The following MOB3B variants were observed in gnomAD, a reference collection of about 807,000 sequenced individuals.
MOB3B encodes MOB kinase activator 3B.
MOB3B carries 7 observed loss-of-function variants against 18.7 expected under a neutral mutation model. The observed-to-expected ratio is 0.37, with a 90% confidence interval of 0.21 to 0.70. The LOEUF is 0.70. Ranked by LOEUF, MOB3B falls within the 30% of genes least tolerant of loss-of-function variation. The pLI is 0.52. For synonymous variants in MOB3B, 111 were observed against 99.9 expected (o/e 1.11, Z -0.66); for missense variants, 253 against 281.3 (o/e 0.90, Z 0.72).
chr9:27,498,851 T>C (rs1049571849), intron 1 of MOB3B, among the ~76,000 whole-genome samples: 2 of 152,214 alleles, frequency 1.3e-5, no homozygotes, highest in African/African-American at 4.8e-5. Context: ...GAAATCTGTA[T>C]TTTTATAGGT....
intron 2 of MOB3B, among the ~76,000 whole-genome samples, chr9:27,377,435 C>G (rs1035817651): frequency 6.6e-6 from 1 of 152,158 alleles, no homozygotes; most frequent in African/African-American, 2.4e-5. Flanking sequence ...GCTTGGTCAT[C>G]TGGACCTCAA....
chr9:27,518,263 C>T (rs1254148478), intron 1 of MOB3B, among the ~76,000 whole-genome samples: 1 of 152,158 alleles, frequency 6.6e-6, no homozygotes, highest in African/African-American at 2.4e-5. Flanking sequence ...TGTCCATCAC[C>T]CACTGCACGC....
intron 1 of MOB3B, among the ~76,000 whole-genome samples, chr9:27,470,652 C>A (rs1461480001): frequency 6.6e-6 from 1 of 152,156 alleles, no homozygotes; most frequent in African/African-American, 2.4e-5. Flanking sequence ...ATAATCAGGG[C>A]CCACCCACCC....
intron 1 of MOB3B, among the ~76,000 whole-genome samples, chr9:27,503,280 G>T (rs751584751): frequency 3.3e-5 from 5 of 152,182 alleles, no homozygotes; most frequent in Non-Finnish European, 7.3e-5. Flanking sequence ...AATTGACCAC[G>T]AATGTCAAAT....
rs531126441 is a variant in MOB3B at position 27,342,930 on chromosome 9, G to A, written c.622-12314C>T. Reference sequence around the variant, plus strand: ...GAGCGTCTCTGCCTGGCCACCCATCGTCTGGGAAGTGAGGAGCCCCTCTGC... The same window carrying A: ...GAGCGTCTCTGCCTGGCCACCCATCATCTGGGAAGTGAGGAGCCCCTCTGC... On this transcript the variant is annotated intron_variant, in intron 3 of 3. Coordinates refer to ENST00000262244, the MANE Select transcript of MOB3B (RefSeq NM_024761.5). Among the ~76,000 whole-genome samples, 49 of 148,708 alleles carry A rather than the reference G, an allele frequency of 3.3e-4. No homozygotes were observed. The East Asian group carries it at 5.8e-3, about 18-fold the overall frequency.
At position 27,412,460 on chromosome 9, in the gene MOB3B, T is replaced by G. The variant is rs371969185; in HGVS notation, c.418+42673A>C. ...CATGCAATATACTCTTTATCTATAC[T>G]TCAGTGCTATGAGGAAATGCTCAGT... On this transcript the variant is annotated intron_variant, in intron 2 of 3. Transcript: ENST00000262244. 1.6e-3 allele frequency among the ~76,000 whole-genome samples: 238 copies of G among 152,342 alleles called. 1 individual carries two copies. Among genetic ancestry groups the G allele is most frequent in the African/African-American group, 5.5e-3 (227 of 41,574 alleles).
chr9:27,529,448 C>T (rs1820496917), intron 1 of MOB3B, 107 bp downstream of exon 1: 1 of 708,946 alleles, frequency 1.4e-6, no homozygotes, highest in Non-Finnish European at 1.7e-6. Flanking sequence ...CTTCTTGCAC[C>T]CGCGCCCAGG....
rs532140615 is a variant in MOB3B, at chr9:27,395,166, C to T, written c.419-35930G>A. On this transcript the variant is annotated intron_variant, in intron 2 of 3. Coordinates refer to ENST00000262244, the MANE Select transcript of MOB3B (RefSeq NM_024761.5). ...TAGAAGCATCAAAAGACCGCTGAAG[C>T]GGGGAGATATTGATCAAAGGGTACA... 9.9e-5 allele frequency among the ~76,000 whole-genome samples: 15 copies of T among 152,174 alleles called. 1 individual carries two copies. Among genetic ancestry groups the T allele is most frequent in the African/African-American group, 2.4e-4 (10 of 41,494 alleles).
chr9:27,332,332 G>A (rs12238155), intron 3 of MOB3B, among the ~76,000 whole-genome samples: 43,656 of 152,102 alleles, frequency 0.29, 6,973 homozygotes, highest in Admixed American at 0.34. Context: ...AAAACAAGAT[G>A]GGAATACAAC....
Position 27,469,243 on chromosome 9 carries a change from C to T in MOB3B, c.-198-13495G>A, listed in dbSNP as rs141682528. The stretch of plus-strand genomic sequence containing the variant: ...TCAGCCTCCCTAGATGCTGGGATTA[C>T]AGGGATGAGTCACAGTGCCTGGCTG... On this transcript the variant is annotated intron_variant, in intron 1 of 3. Coordinates refer to ENST00000262244, the MANE Select transcript of MOB3B (RefSeq NM_024761.5). Among the ~76,000 whole-genome samples, 8 of 152,158 alleles carry T rather than the reference C, an allele frequency of 5.3e-5. No homozygotes were observed. The East Asian group carries it at 1.2e-3, about 22-fold the overall frequency.
chr9:27,419,677 C>A (rs996139660), intron 2 of MOB3B, among the ~76,000 whole-genome samples: 1 of 152,142 alleles, frequency 6.6e-6, no homozygotes, highest in African/African-American at 2.4e-5. Flanking sequence ...AAGACTTAAA[C>A]CTAAGACCTG....
intron 2 of MOB3B, among the ~76,000 whole-genome samples, chr9:27,416,124 A>G (rs1308672018): frequency 6.6e-6 from 1 of 152,216 alleles, no homozygotes; most frequent in Non-Finnish European, 1.5e-5. Flanking sequence ...ATTTTGCAGC[A>G]TATACAAGTA....
intron 2 of MOB3B, among the ~76,000 whole-genome samples, chr9:27,372,454 G>A (rs961924478): frequency 2.0e-5 from 3 of 152,194 alleles, no homozygotes; most frequent in African/African-American, 2.4e-5. Flanking sequence ...GCTCTTGAGC[G>A]TGGGCTATGC....
intron 1 of MOB3B, among the ~76,000 whole-genome samples, chr9:27,456,604 T>A (rs1026991722): frequency 2.6e-5 from 4 of 152,240 alleles, no homozygotes; most frequent in African/African-American, 9.6e-5. Flanking sequence ...TAACTTGAGT[T>A]GGTTCTGTTT....
chr9:27,431,239 C>T (rs768895507), intron 2 of MOB3B, among the ~76,000 whole-genome samples: 1 of 152,048 alleles, frequency 6.6e-6, no homozygotes, highest in Non-Finnish European at 1.5e-5. Flanking sequence ...TCCAAAGAAA[C>T]AAAAGTTAAA....
rs555022157 is a variant in MOB3B at position 27,512,146 on chromosome 9, G to A, written c.-199+17409C>T. 4.1e-4 allele frequency among the ~76,000 whole-genome samples: 63 copies of A among 152,280 alleles called. No homozygotes were observed. In the South Asian group the frequency reaches 0.013, roughly 31 times the overall value. On this transcript the variant is annotated intron_variant, in intron 1 of 3. Transcript: ENST00000262244. ...AGATGGCGGGGCCACAAGAGGGAAA[G>A]GGTCTATGTCCCTGACCACTGCTTA...
At chr9:27,464,606 T>A (rs1251296473) in intron 1 of MOB3B, among the ~76,000 whole-genome samples, 1 of 152,224 alleles carries the variant, frequency 6.6e-6, no homozygotes, top group African/African-American at 2.4e-5. Context: ...ATAACAGAAA[T>A]GACTTTCTAA....
intron 2 of MOB3B, among the ~76,000 whole-genome samples, chr9:27,406,562 A>T (rs1289129607): frequency 6.6e-6 from 1 of 152,216 alleles, no homozygotes; most frequent in Non-Finnish European, 1.5e-5. Context: ...GCAACAGAAT[A>T]GATAATCCAA....
At chr9:27,341,904 A>G (rs1323427749) in intron 3 of MOB3B, among the ~76,000 whole-genome samples, 1 of 152,240 alleles carries the variant, frequency 6.6e-6, no homozygotes, top group African/African-American at 2.4e-5. Flanking sequence ...ATGACAGTTC[A>G]TGGGTCAAAT....
Sources: allele counts gnomAD v4.1 joint callset (sites outside exome capture counted in the v4.1 genomes callset), GRCh38; gene constraint gnomAD v4.1.1; transcripts MANE v1.5; gene names NCBI Gene and HGNC (gene_info 2026-07-23, HGNC 2026-07-21).